Variants in FRMD4A observed in about 807,000 individuals in gnomAD.
FRMD4A encodes the protein FERM domain-containing protein 4A.
In FRMD4A, 29 loss-of-function variants were observed where a neutral mutation model predicts 129.1. The observed-to-expected ratio is 0.22, with a 90% CI of 0.17 to 0.31. The LOEUF is 0.31. FRMD4A is among the 10% of genes least tolerant of loss of function. FRMD4A has a pLI of 1.00. For missense variants in FRMD4A, 1,272 were observed against 1,375.8 expected, an observed-to-expected ratio of 0.92 and a Z score of 1.19; for synonymous variants, 634 against 571.6, an observed-to-expected ratio of 1.11 and a Z score of -1.56.
chr10:13,657,566 C>G, intron 21 of FRMD4A, 44 bp from the exon 22 acceptor site: 1 of 1,504,084 alleles, frequency 6.6e-7, no homozygotes, highest in Non-Finnish European at 8.9e-7. Flanking sequence ...GGGGAGTGGG[C>G]CCAAGGAGGG....
chr10:14,313,689 A>G (rs1330667425), intron 2 of FRMD4A, among the ~76,000 whole-genome samples: 1 of 152,244 alleles, frequency 6.6e-6, no homozygotes, highest in Non-Finnish European at 1.5e-5. Flanking sequence ...TGTTTGTATG[A>G]ACAATTCTTT....
chr10:14,129,218 C>T (rs1192608291), intron 2 of FRMD4A, among the ~76,000 whole-genome samples: 1 of 151,456 alleles, frequency 6.6e-6, no homozygotes, highest in Non-Finnish European at 1.5e-5. Context: ...AGTGAAGTAC[C>T]TTATTACCGT....
chr10:14,178,647 C>T (rs1299000145), intron 2 of FRMD4A, among the ~76,000 whole-genome samples: 2 of 152,182 alleles, frequency 1.3e-5, no homozygotes, highest in South Asian at 4.2e-4. Flanking sequence ...ATTAGGCACC[C>T]TAACACCCTT....
intron 2 of FRMD4A, among the ~76,000 whole-genome samples, chr10:14,230,709 A>T (rs917127616): frequency 1.3e-5 from 2 of 152,096 alleles, no homozygotes; most frequent in Admixed American, 1.3e-4. Flanking sequence ...TTGGGTTTGG[A>T]GTACAGACTA....
intron 2 of FRMD4A, among the ~76,000 whole-genome samples, chr10:13,877,255 G>T (rs140718694): frequency 1.3e-5 from 2 of 152,252 alleles, no homozygotes; most frequent in Non-Finnish European, 2.9e-5. Context: ...AGTATGTCCT[G>T]CCAGGCCACC....
intron 3 of FRMD4A, among the ~76,000 whole-genome samples, chr10:13,835,330 T>C (rs1197510420): frequency 1.3e-5 from 2 of 152,218 alleles, no homozygotes; most frequent in African/African-American, 2.4e-5. Flanking sequence ...GTTGTATGCC[T>C]GGCATGTAAA....
chr10:14,142,319 C>T lies in FRMD4A; in HGVS notation c.45+187739G>A, dbSNP rs148249407. 2.2e-4 allele frequency among the ~76,000 whole-genome samples: 33 copies of T among 152,206 alleles called. No individual in the cohort carries two copies. In the East Asian group the frequency reaches 4.6e-3, roughly 21 times the overall value. ...TTGAGCACAGGTTTTCTAAGTAAAGCGCACTGTTCTGCTATTAAGGGAAAC... is the reference window on the plus strand; with the variant it reads ...TTGAGCACAGGTTTTCTAAGTAAAGTGCACTGTTCTGCTATTAAGGGAAAC... On this transcript the variant is annotated intron_variant, in intron 2 of 24. Transcript: ENST00000357447.
intron 2 of FRMD4A, among the ~76,000 whole-genome samples, chr10:14,285,624 C>A (rs1223478204): frequency 1.3e-5 from 2 of 152,176 alleles, no homozygotes; most frequent in African/African-American, 4.8e-5. Context: ...CTCATCTGAC[C>A]ATCTGTAAAA....
chr10:14,278,308 A>C (rs915910820), intron 2 of FRMD4A, among the ~76,000 whole-genome samples: 1 of 152,122 alleles, frequency 6.6e-6, no homozygotes, highest in Admixed American at 6.5e-5. Flanking sequence ...TGTTCTCCTA[A>C]CTTACAAATA....
intron 2 of FRMD4A, among the ~76,000 whole-genome samples, chr10:14,254,440 C>A (rs1000649996): frequency 6.6e-6 from 1 of 152,156 alleles, no homozygotes; most frequent in Non-Finnish European, 1.5e-5. Flanking sequence ...GACACCCTGA[C>A]AACTCTCTCC....
Position 13,740,266 on chromosome 10 carries a change from C to T in FRMD4A, c.615-15G>A, listed in dbSNP as rs777193026. 1.5e-5 allele frequency: 23 copies of T among 1,579,304 alleles called. No homozygotes were observed. The highest frequency in any genetic ancestry group is 6.7e-5 in the Admixed American group (4 of 59,940). On this transcript the variant is annotated splice_polypyrimidine_tract_variant and intron_variant, in intron 10 of 24. Transcript: ENST00000357447. Reference sequence around the variant, plus strand: ...TGCTCATGTAGCTGGAATGACAACACGAAGATACACAAACACACACACAAT... The same window carrying T: ...TGCTCATGTAGCTGGAATGACAACATGAAGATACACAAACACACACACAAT...
intron 12 of FRMD4A, among the ~76,000 whole-genome samples, chr10:13,721,099 G>A (rs981117198): frequency 2.0e-5 from 3 of 152,156 alleles, no homozygotes; most frequent in Non-Finnish European, 4.4e-5. Context: ...ACAGTGACAA[G>A]GTACTCCCCT....
At chr10:13,773,657 G>A (rs2092520653) in intron 6 of FRMD4A, among the ~76,000 whole-genome samples, 1 of 152,236 alleles carries the variant, frequency 6.6e-6, no homozygotes, top group Non-Finnish European at 1.5e-5. Context: ...TACGACCTAT[G>A]TTTGCAAAGC....
rs1213421244 is a variant in FRMD4A, at chr10:13,653,658, T to TAACTC, written c.3050+753_3050+757dup. The stretch of plus-strand genomic sequence containing the variant: ...AGACAAACCGAGGAAGGGGCCTCCT[T>TAACTC]AACTCCTCTAACCAACAGATGAGAT... On this transcript the variant is annotated intron_variant, in intron 23 of 24. Coordinates refer to ENST00000357447, the MANE Select transcript of FRMD4A (RefSeq NM_018027.5). Among the ~76,000 whole-genome samples the TAACTC allele has an allele frequency of 2.6e-5, 4 of 152,320 alleles. No homozygotes were observed. In the East Asian group the frequency reaches 7.7e-4, roughly 29 times the overall value.
At chr10:13,728,612 C>G (rs2090090683) in intron 12 of FRMD4A, among the ~76,000 whole-genome samples, 2 of 101,368 alleles carry the variant, frequency 2.0e-5, no homozygotes, top group Non-Finnish European at 3.9e-5. Flanking sequence ...TTGCTGTTGC[C>G]CAGGCTGGAG....
At chr10:14,186,149 GAA>G (rs11460017) in intron 2 of FRMD4A, among the ~76,000 whole-genome samples, 1 of 122,930 alleles carries the variant, frequency 8.1e-6, no homozygotes, top group Non-Finnish European at 1.8e-5. Context: ...AAAAGAAAAA[GAA>G]AAAAAAAAAA....
chr10:14,095,533 C>A (rs940649990), intron 2 of FRMD4A, among the ~76,000 whole-genome samples: 4 of 152,212 alleles, frequency 2.6e-5, no homozygotes, highest in African/African-American at 9.6e-5. Flanking sequence ...AAGCACCTCG[C>A]CGGGATACTG....
intron 2 of FRMD4A, among the ~76,000 whole-genome samples, chr10:14,268,028 C>G (rs1845037765): frequency 6.6e-6 from 1 of 152,144 alleles, no homozygotes; most frequent in South Asian, 2.1e-4. Context: ...CCACCTATTT[C>G]ATGATTGTGT....
intron 2 of FRMD4A, among the ~76,000 whole-genome samples, chr10:13,944,788 A>C (rs902383190): frequency 6.6e-6 from 1 of 152,288 alleles, no homozygotes; most frequent in African/African-American, 2.4e-5. Flanking sequence ...CTTAAAAAAT[A>C]CATTCTAATG....
Sources: allele counts gnomAD v4.1 joint callset (sites outside exome capture counted in the v4.1 genomes callset), GRCh38; gene constraint gnomAD v4.1.1; transcripts MANE v1.5; gene names NCBI Gene and HGNC (gene_info 2026-07-23, HGNC 2026-07-21).